The following FBN3 variants were observed in gnomAD, a reference collection of about 807,000 sequenced individuals.
The protein encoded by FBN3 is fibrillin-3.
FBN3 carries 234 observed loss-of-function variants against 330.1 expected under a neutral mutation model. The observed-to-expected ratio is 0.71, with a 90% confidence interval of 0.64 to 0.79. The LOEUF is 0.79. Among genes scored for constraint, FBN3 ranks in the 30% least tolerant of loss-of-function variants. The pLI, the probability that FBN3 is intolerant of heterozygous loss-of-function variation, is 0.00. For synonymous variants in FBN3, 1,458 were observed against 1,517.3 expected (o/e 0.96, Z 0.91); for missense variants, 3,606 against 3,886.9 (o/e 0.93, Z 1.92).
chr19:8,068,469 G>A (rs2081439393), intron 63 of FBN3, among the ~76,000 whole-genome samples: 1 of 151,920 alleles, frequency 6.6e-6, no homozygotes, highest in African/African-American at 2.4e-5. Context: ...AGCTGAAGTG[G>A]GTGGATCACT....
At chr19:8,141,382 A>T (rs1402899317) in intron 8 of FBN3, among the ~76,000 whole-genome samples, 1 of 150,596 alleles carries the variant, frequency 6.6e-6, no homozygotes, top group Non-Finnish European at 1.5e-5. Flanking sequence ...AAAAAAAAAA[A>T]AAAGAGAGAG....
chr19:8,083,976 G>A (rs2081873670), intron 56 of FBN3, among the ~76,000 whole-genome samples: 1 of 151,730 alleles, frequency 6.6e-6, no homozygotes, highest in Non-Finnish European at 1.5e-5. Context: ...CTAATTTTTT[G>A]TATTTTTAAT....
intron 63 of FBN3, among the ~76,000 whole-genome samples, chr19:8,066,635 C>T (rs1299740135): frequency 4.6e-5 from 7 of 152,142 alleles, no homozygotes; most frequent in Non-Finnish European, 7.4e-5. Context: ...AATCCCAGCA[C>T]TTTGGGAGGC....
chr19:8,138,657 C>A, intron 8 of FBN3, 93 bp from the exon 9 acceptor site: 2 of 1,359,816 alleles, frequency 1.5e-6, no homozygotes, highest in Non-Finnish European at 2.0e-6. Flanking sequence ...GCCTGTAGGA[C>A]GGGTCTGTTT....
chr19:8,074,855 C>T (rs541956647), intron 61 of FBN3: 27 of 538,934 alleles, frequency 5.0e-5, no homozygotes, highest in Non-Finnish European at 7.5e-5. Context: ...CTCCAGGCCA[C>T]CATGCCCTAA....
chr19:8,076,760 A>G (rs2081651782), intron 59 of FBN3, among the ~76,000 whole-genome samples: 1 of 152,084 alleles, frequency 6.6e-6, no homozygotes, highest in Non-Finnish European at 1.5e-5. Flanking sequence ...CATTTAACCA[A>G]CTGTTAATTT....
At position 8,087,895 on chromosome 19, in the gene FBN3, A is replaced by G. The variant is rs779412792; in HGVS notation, c.6549T>C (p.Asn2183=). 17 of 1,613,972 alleles carry G rather than the reference A, an allele frequency of 1.1e-5. No homozygotes were observed. The highest frequency in any genetic ancestry group is 6.7e-5 in the Admixed American group (4 of 59,986). The part of the protein sequence containing the change: ...NPLLCAFRCH[N]TEGSYLCTCP... ...AGGTGCACAGGTAGGAGCCCTCGGT[A>G]TTGTGGCAGCGGAAGGCACAGAGCA... Residue 2183 remains asparagine, a synonymous_variant, in exon 53 of 64, where the codon AAT becomes AAC. Coordinates refer to ENST00000600128, the MANE Select transcript of FBN3 (RefSeq NM_032447.5).
intron 26 of FBN3, among the ~76,000 whole-genome samples, chr19:8,117,949 C>T (rs1254589248): frequency 6.6e-6 from 1 of 151,960 alleles, no homozygotes; most frequent in Non-Finnish European, 1.5e-5. Flanking sequence ...TATCCACTTG[C>T]ACACAAATAC....
In FBN3 at chr19:8,085,545, G is replaced by A. The variant is rs754124652; in HGVS notation, c.6905C>T (p.Ala2302Val). 6 of 1,580,466 alleles carry A rather than the reference G, an allele frequency of 3.8e-6. No individual in the cohort carries two copies. In the South Asian group the frequency reaches 5.8e-5, roughly 15 times the overall value. ...CHDIRQGPCF[A>V]EVLQTMCRSL... Reference sequence around the variant, plus strand: ...CCGGCACATGGTCTGCAGCACCTCGGCAAAGCAGGGCCCCTGCCGGATGTC... The same window carrying A: ...CCGGCACATGGTCTGCAGCACCTCGACAAAGCAGGGCCCCTGCCGGATGTC... The change falls in exon 56 of 64, where the codon GCC becomes GTC. Residue 2302 changes from alanine to valine, a missense_variant. Coordinates refer to ENST00000600128, the MANE Select transcript of FBN3 (RefSeq NM_032447.5).
chr19:8,100,406 C>T (rs1173482619), intron 41 of FBN3, among the ~76,000 whole-genome samples: 1 of 152,026 alleles, frequency 6.6e-6, no homozygotes, highest in South Asian at 2.1e-4. Flanking sequence ...GGCGAGATAT[C>T]GGCTCACTGC....
intron 10 of FBN3, 112 bp downstream of exon 10, chr19:8,138,029 G>T: frequency 8.0e-7 from 1 of 1,255,104 alleles, no homozygotes; most frequent in Non-Finnish European, 1.1e-6. Flanking sequence ...CCCCTCCAAA[G>T]CCCTAACCCT....
rs2082203102 is a variant in FBN3, at chr19:8,096,084, C to T, written c.5540-4G>A. Reference sequence around the variant, plus strand: ...TGCCGGTCACACTCGTCAATGTCTGCAGAAGCAAAGCCGAGAGCCCAACCC... The same window carrying T: ...TGCCGGTCACACTCGTCAATGTCTGTAGAAGCAAAGCCGAGAGCCCAACCC... On this transcript the variant is annotated splice_polypyrimidine_tract_variant and splice_region_variant and intron_variant, in intron 44 of 63. Transcript: ENST00000600128. This position sits in a 1 kb window ranked among gnomAD's most constrained non-coding sequence, Gnocchi z 4.6. 2.5e-6 allele frequency: 4 copies of T among 1,611,214 alleles called. No homozygotes were observed. Among genetic ancestry groups the T allele is most frequent in the Non-Finnish European group, 3.4e-6 (4 of 1,177,608 alleles).
chr19:8,107,621 G>A (rs954216467), intron 37 of FBN3, among the ~76,000 whole-genome samples: 6 of 150,758 alleles, frequency 4.0e-5, no homozygotes, highest in Admixed American at 1.3e-4. Flanking sequence ...GATAGATGAA[G>A]GATGGGGAAT....
In FBN3 at chr19:8,096,398, C is replaced by T. The variant is rs374632294; in HGVS notation, c.5539+46G>A. ...CTTCCATCCCAGGGGAGGTTTAGACCCCAGGCAGCCTGGCTTGAAAAGGAG... is the reference window on the plus strand; with the variant it reads ...CTTCCATCCCAGGGGAGGTTTAGACTCCAGGCAGCCTGGCTTGAAAAGGAG... On this transcript the variant is annotated intron_variant, in intron 44 of 63. Coordinates refer to ENST00000600128, the MANE Select transcript of FBN3 (RefSeq NM_032447.5). The surrounding 1 kb of genome is among the most constrained non-coding windows in gnomAD (Gnocchi z 4.6). 3.0e-5 allele frequency: 48 copies of T among 1,590,058 alleles called. No individual in the cohort carries two copies. In the African/African-American group the frequency reaches 5.9e-4, roughly 20 times the overall value.
At position 8,096,932 on chromosome 19, in the gene FBN3, G is replaced by T. The variant is rs368655625; in HGVS notation, c.5362C>A (p.Arg1788Ser). The T allele has an allele frequency of 6.2e-7, 1 of 1,613,688 alleles. No homozygotes were observed. Among genetic ancestry groups the T allele is most frequent in the Admixed American group, 1.7e-5 (1 of 59,994 alleles). ...ADCINIPGSYRCKCTRGYKLS... is the reference protein window; with the variant it reads ...ADCINIPGSYSCKCTRGYKLS... The stretch of plus-strand genomic sequence containing the variant: ...TTGTACCCTCGGGTGCACTTGCAGC[G>T]GTAGCTACCGGGGATGTTGATGCAG... Residue 1788 changes from arginine to serine, a missense_variant, in exon 43 of 64, where the codon CGC (arginine) becomes AGC (serine). Transcript: ENST00000600128. This position sits in a 1 kb window ranked among gnomAD's most constrained non-coding sequence, Gnocchi z 4.6.
chr19:8,108,464 T>C (rs1385195374), intron 36 of FBN3, among the ~76,000 whole-genome samples: 3 of 152,098 alleles, frequency 2.0e-5, no homozygotes, highest in South Asian at 2.1e-4. Context: ...TGCGTGTGTG[T>C]GTGTAAATGT....
At chr19:8,100,798 AGG>A in intron 41 of FBN3, 101 bp downstream of exon 41, 1 of 810,368 alleles carries the variant, frequency 1.2e-6, no homozygotes, top group South Asian at 1.5e-5. Flanking sequence ...GGGAGGATGG[AGG>A]AGTGGATGTA....
intron 63 of FBN3, among the ~76,000 whole-genome samples, chr19:8,066,482 GCATGTTCT>G (rs2081393303): frequency 6.6e-6 from 1 of 152,062 alleles, no homozygotes; most frequent in Non-Finnish European, 1.5e-5. Flanking sequence ...ACCAAATACG[GCATGTTCT>G]CAGTTATAAG....
chr19:8,136,367 T>C (rs762288487), intron 11 of FBN3, 21 bp downstream of exon 11: 6 of 1,608,714 alleles, frequency 3.7e-6, no homozygotes, highest in Non-Finnish European at 5.1e-6. Flanking sequence ...CCGCCCCCCC[T>C]TCCACCTGGC....
Sources: allele counts gnomAD v4.1 joint callset (sites outside exome capture counted in the v4.1 genomes callset), GRCh38; gene constraint gnomAD v4.1.1; non-coding constraint Gnocchi (gnomAD v3.1); transcripts MANE v1.5; gene names NCBI Gene and HGNC (gene_info 2026-07-23, HGNC 2026-07-21).